Variants in TBCB observed in about 807,000 individuals in gnomAD.
The protein encoded by TBCB is tubulin-folding cofactor B.
In TBCB, 18 loss-of-function variants were observed where a neutral mutation model predicts 29.2. That is an observed-to-expected ratio of 0.62 (90% confidence interval 0.43 to 0.91). The LOEUF (loss-of-function observed/expected upper bound fraction) is 0.91. TBCB is among the 40% of genes least tolerant of loss of function. The probability of loss-of-function intolerance (pLI) is 0.00; values close to 1 mark genes in which losing one functional copy is unlikely to be tolerated. For synonymous variants in TBCB, 172 were observed against 137.8 expected (o/e 1.25, Z -1.74); for missense variants, 336 against 337.6 (o/e 1.00, Z 0.04).
At position 36,116,072 on chromosome 19, in the gene TBCB, C is replaced by G; in HGVS notation, c.146C>G (p.Ala49Gly). 6.2e-7 allele frequency: 1 copy of G among 1,614,186 alleles called. No individual in the cohort carries two copies. Among genetic ancestry groups the G allele is most frequent in the Non-Finnish European group, 8.5e-7 (1 of 1,180,030 alleles). Reference protein sequence around the residue: ...CKLELLVGSPASCMELELYGV... With the variant: ...CKLELLVGSPGSCMELELYGV... ...CTGGAGTTGCTGGTGGGCAGCCCTG[C>G]TTCCTGCATGGAACTGGAGCTGTAT... is the stretch of plus-strand genomic sequence containing the variant. The change falls in exon 2 of 6, where the codon GCT becomes GGT. Residue 49 changes from alanine to glycine, a missense_variant. Ala to Gly is a moderately conservative substitution (Grantham distance 60, BLOSUM62 0). Transcript: ENST00000221855.
rs1247946812 is a variant in TBCB at position 36,116,651 on chromosome 19, G to A, written c.258+467G>A. On this transcript the variant is annotated intron_variant, in intron 2 of 5. Coordinates refer to ENST00000221855, the MANE Select transcript of TBCB (RefSeq NM_001281.3). ...CCTTTCTGTCTTTTTTTGAGACAGA[G>A]TCTCACTCTGTCACCCAACCTGGAA... The A allele has an allele frequency of 3.9e-5, 6 of 153,612 alleles. No homozygotes were observed. In the South Asian group the frequency reaches 9.6e-4, roughly 24 times the overall value. The allele number at this position is 153,612 out of a possible 1,614,324, so 9.5% of individuals were successfully genotyped here. A position where few individuals can be genotyped will look rare whatever the true frequency, so the allele number is the denominator to read the frequency against.
At chr19:36,124,094 C>T (rs1366113475) in intron 4 of TBCB, among the ~76,000 whole-genome samples, 2 of 152,180 alleles carry the variant, frequency 1.3e-5, no homozygotes, top group Non-Finnish European at 2.9e-5. Context: ...CTTTTGCTTA[C>T]AGTCATCCAC....
upstream of TBCB, chr19:36,115,001 G>T (rs1294909466): frequency 6.7e-6 from 5 of 748,096 alleles, no homozygotes; most frequent in Non-Finnish European, 8.8e-6. Flanking sequence ...CTCGGGCTCG[G>T]CTCTCTCCGC....
intron 3 of TBCB, among the ~76,000 whole-genome samples, chr19:36,121,298 T>C (rs936118202): frequency 6.6e-6 from 1 of 151,890 alleles, no homozygotes; most frequent in Non-Finnish European, 1.5e-5. Context: ...CCATGGGTCC[T>C]GTAGTGAGGG....
rs563049872 is a variant in TBCB at position 36,121,043 on chromosome 19, G to C, written c.355+237G>C. On this transcript the variant is annotated intron_variant, in intron 3 of 5. Coordinates refer to ENST00000221855, the MANE Select transcript of TBCB (RefSeq NM_001281.3). Reference sequence around the variant, plus strand: ...AGTCAGACGTGGTCGGGGGAGGGCTGGGAAAGTGGAGGGAGTTGAGGGGTA... The same window carrying C: ...AGTCAGACGTGGTCGGGGGAGGGCTCGGAAAGTGGAGGGAGTTGAGGGGTA... Among the ~76,000 whole-genome samples, 796 of 150,614 alleles carry C rather than the reference G, an allele frequency of 5.3e-3. 8 individuals carry two copies. Among genetic ancestry groups the C allele is most frequent in the African/African-American group, 0.018 (752 of 40,844 alleles).
rs1158335870 is a variant in TBCB, at chr19:36,120,852, T to C, written c.355+46T>C. ...AGGGGTGCGTGGGGGCCAGAGGGAGTATGTGCAGGTATGAGGGCGGGCAGG... is the reference window on the plus strand; with the variant it reads ...AGGGGTGCGTGGGGGCCAGAGGGAGCATGTGCAGGTATGAGGGCGGGCAGG... On this transcript the variant is annotated intron_variant, in intron 3 of 5. Coordinates refer to ENST00000221855, the MANE Select transcript of TBCB (RefSeq NM_001281.3). 8 of 1,581,040 alleles carry C rather than the reference T, an allele frequency of 5.1e-6. No individual in the cohort carries two copies. The African/African-American group carries it at 9.5e-5, about 19-fold the overall frequency.
chr19:36,115,731 G>C, intron 1 of TBCB, 57 bp downstream of exon 1: 1 of 1,375,398 alleles, frequency 7.3e-7, no homozygotes, highest in Non-Finnish European at 1.0e-6. Flanking sequence ...GGGGGTTCCC[G>C]GAAGGGGGAG....
intron 5 of TBCB, 26 bp downstream of exon 5, chr19:36,125,549 C>G: frequency 6.2e-7 from 1 of 1,613,958 alleles, no homozygotes; most frequent in Non-Finnish European, 8.5e-7. Flanking sequence ...ACTCAGGTGT[C>G]TGTGTGTGCA....
chr19:36,121,818 G>A, intron 4 of TBCB, 100 bp downstream of exon 4: 1 of 1,459,864 alleles, frequency 6.8e-7, no homozygotes, highest in South Asian at 1.2e-5. Flanking sequence ...TCTGCCTAGG[G>A]GCGCGGGGTT....
chr19:36,123,166 A>G (rs189970762), intron 4 of TBCB, among the ~76,000 whole-genome samples: 1 of 152,058 alleles, frequency 6.6e-6, no homozygotes, highest in African/African-American at 2.4e-5. Context: ...GAGCGCCTAG[A>G]CCACAGTGTA....
chr19:36,116,190 G>A lies in TBCB; in HGVS notation c.258+6G>A, dbSNP rs897178135. On this transcript the variant is annotated splice_donor_region_variant and intron_variant, in intron 2 of 5. Coordinates refer to ENST00000221855, the MANE Select transcript of TBCB (RefSeq NM_001281.3). ...ATGACGGCTGCCGCATCCACGTGAGGACTCTCTATCTGGGACACTCCCCCA... is the reference window on the plus strand; with the variant it reads ...ATGACGGCTGCCGCATCCACGTGAGAACTCTCTATCTGGGACACTCCCCCA... The A allele has an allele frequency of 3.1e-6, 5 of 1,613,790 alleles. No individual in the cohort carries two copies. In the African/African-American group the frequency reaches 6.7e-5, roughly 22 times the overall value.
At chr19:36,124,662 G>C (rs1375444172) in intron 4 of TBCB, among the ~76,000 whole-genome samples, 1 of 152,128 alleles carries the variant, frequency 6.6e-6, no homozygotes, top group East Asian at 1.9e-4. Flanking sequence ...TCCTGCCTCA[G>C]CCTCCCGAGT....
intron 4 of TBCB, among the ~76,000 whole-genome samples, chr19:36,122,943 C>T (rs186887842): frequency 1.6e-4 from 25 of 152,182 alleles, no homozygotes; most frequent in Middle Eastern, 3.4e-3. Flanking sequence ...CTGGTATTTC[C>T]GTCTTTATGC....
At chr19:36,115,888 A>G (rs1973942797) in intron 1 of TBCB, 153 bp from the exon 2 acceptor site, 3 of 1,244,684 alleles carry the variant, frequency 2.4e-6, no homozygotes, top group Non-Finnish European at 3.3e-6. Flanking sequence ...CCGACGGTCC[A>G]GAGGGCGGGG....
chr19:36,116,428 G>A lies in TBCB; in HGVS notation c.258+244G>A, dbSNP rs542842067. On this transcript the variant is annotated intron_variant, in intron 2 of 5. Transcript: ENST00000221855. ...AAGAGGTGCCTGACTCCACCTGGGA[G>A]AATCAGAGAGGGCTTCCTGGAGGAA... 1.6e-5 allele frequency: 7 copies of A among 439,232 alleles called. No homozygotes were observed. In the South Asian group the frequency reaches 2.7e-4, roughly 17 times the overall value. The allele number at this position is 439,232 out of a possible 1,614,324, so 27.2% of individuals were successfully genotyped here. A position where few individuals can be genotyped will look rare whatever the true frequency, so the allele number is the denominator to read the frequency against.
chr19:36,121,844 C>A, intron 4 of TBCB, 126 bp downstream of exon 4: 1 of 1,213,010 alleles, frequency 8.2e-7, no homozygotes, highest in Non-Finnish European at 1.2e-6. Flanking sequence ...GGACTCGAAA[C>A]GATCTCAGTC....
intron 3 of TBCB, 90 bp from the exon 4 acceptor site, chr19:36,121,437 C>T (rs949524928): frequency 4.1e-5 from 58 of 1,415,414 alleles, no homozygotes; most frequent in Non-Finnish European, 5.0e-5. Context: ...AGAGAGAGTT[C>T]CTCCGTGAAC....
chr19:36,125,635 T>G, intron 5 of TBCB, 33 bp from the exon 6 acceptor site: 1 of 1,604,078 alleles, frequency 6.2e-7, no homozygotes, highest in African/African-American at 1.3e-5. Context: ...GTGAGGGTCC[T>G]CTGACCACAC....
chr19:36,115,104 T>C, upstream of TBCB: 1 of 584,000 alleles, frequency 1.7e-6, no homozygotes, highest in South Asian at 2.2e-5. Flanking sequence ...CAGAATAGTA[T>C]GGATCTGGTG....
Sources: allele counts gnomAD v4.1 joint callset (sites outside exome capture counted in the v4.1 genomes callset), GRCh38; gene constraint gnomAD v4.1.1; transcripts MANE v1.5; gene names NCBI Gene and HGNC (gene_info 2026-07-23, HGNC 2026-07-21).